Variants in ADAMTSL3 observed in about 807,000 individuals in gnomAD.
ADAMTSL3 encodes ADAMTS like 3, also known as ADAMTS-like protein 3.
ADAMTSL3 carries 128 observed loss-of-function variants against 201.7 expected under a neutral mutation model. The ratio of observed to expected loss-of-function variants is 0.63; its 90% CI spans 0.55 to 0.73. The LOEUF (loss-of-function observed/expected upper bound fraction) is 0.73. ADAMTSL3 is among the 30% of genes least tolerant of loss of function. The pLI, the probability that ADAMTSL3 is intolerant of heterozygous loss-of-function variation, is 0.00. For synonymous variants in ADAMTSL3, 738 were observed against 748.4 expected, an observed-to-expected ratio of 0.99 and a Z score of 0.23; for missense variants, 1,990 against 2,119.6, an observed-to-expected ratio of 0.94 and a Z score of 1.20.
chr15:84,010,878 A>G (rs1287367483), intron 23 of ADAMTSL3, among the ~76,000 whole-genome samples: 4 of 152,142 alleles, frequency 2.6e-5, no homozygotes, highest in African/African-American at 9.7e-5. Flanking sequence ...TCTGCACTCT[A>G]TGTTCCTCCT....
chr15:83,895,832 A>G (rs1214304233), intron 13 of ADAMTSL3, among the ~76,000 whole-genome samples: 1 of 152,146 alleles, frequency 6.6e-6, no homozygotes, highest in African/African-American at 2.4e-5. Flanking sequence ...ATTTTCCAAA[A>G]ACAGGGTAAT....
At chr15:84,015,441 C>T (rs1315051273) in intron 24 of ADAMTSL3, among the ~76,000 whole-genome samples, 1 of 152,184 alleles carries the variant, frequency 6.6e-6, no homozygotes, top group Non-Finnish European at 1.5e-5. Flanking sequence ...GTTGGAATAG[C>T]TGTCATGCAC....
chr15:83,837,456 C>T (rs183723099), intron 6 of ADAMTSL3, among the ~76,000 whole-genome samples: 6 of 151,756 alleles, frequency 4.0e-5, no homozygotes, highest in South Asian at 2.1e-4. Context: ...AGAGAGGAAA[C>T]GTCTGTAATG....
chr15:83,693,929 C>T (rs73452682), intron 2 of ADAMTSL3, among the ~76,000 whole-genome samples: 9,881 of 152,206 alleles, frequency 0.065, 1,045 homozygotes, highest in African/African-American at 0.22. Context: ...ATTCTCCCCC[C>T]GCAACCATTT....
Position 83,714,761 on chromosome 15 carries a change from C to CTCTTTTTCTTTCTTTCTTTCTT in ADAMTSL3, c.189+10258_189+10259insTTCTTTCTTTCTTTCTTTCTTT, listed in dbSNP as rs1555433186. On this transcript the variant is annotated intron_variant, in intron 3 of 29. Transcript: ENST00000286744. ...TTCTCCTTTTCCTTCCTTCCCTTTT[C>CTCTTTTTCTTTCTTTCTTTCTT]TCTTTCTTTCTTTCTTTCTTTCTTT... 2.7e-4 allele frequency among the ~76,000 whole-genome samples: 11 copies of CTCTTTTTCTTTCTTTCTTTCTT among 41,452 alleles called. 2 individuals are homozygous for CTCTTTTTCTTTCTTTCTTTCTT. Among genetic ancestry groups the CTCTTTTTCTTTCTTTCTTTCTT allele is most frequent in the Non-Finnish European group, 5.8e-4 (11 of 19,016 alleles). 27.2% of individuals were successfully genotyped at this position (41,452 alleles called of 152,430 possible). A position where few individuals can be genotyped will look rare whatever the true frequency, so the allele number is the denominator to read the frequency against.
intron 5 of ADAMTSL3, among the ~76,000 whole-genome samples, chr15:83,815,536 A>G (rs1445434298): frequency 6.6e-6 from 1 of 152,250 alleles, no homozygotes; most frequent in Admixed American, 6.5e-5. Context: ...AAGCAGAAGA[A>G]TGTTTGGCAT....
At chr15:83,670,235 G>A (rs1433082818) in intron 2 of ADAMTSL3, among the ~76,000 whole-genome samples, 6 of 143,900 alleles carry the variant, frequency 4.2e-5, no homozygotes, top group African/African-American at 1.6e-4. Flanking sequence ...TCCAGCCTGG[G>A]TGACAGTGAG....
intron 19 of ADAMTSL3, among the ~76,000 whole-genome samples, chr15:83,960,887 G>A (rs1233715771): frequency 6.6e-6 from 1 of 152,096 alleles, no homozygotes; most frequent in Non-Finnish European, 1.5e-5. Context: ...ACCAAAACTA[G>A]GGGGAAAAAT....
chr15:83,825,217 A>G (rs1309493465), intron 6 of ADAMTSL3, among the ~76,000 whole-genome samples: 1 of 152,256 alleles, frequency 6.6e-6, no homozygotes, highest in African/African-American at 2.4e-5. Context: ...CTCTTTGACC[A>G]AATGATAATA....
intron 19 of ADAMTSL3, among the ~76,000 whole-genome samples, chr15:83,965,343 G>A (rs1182813993): frequency 1.2e-5 from 1 of 84,462 alleles, no homozygotes; most frequent in African/African-American, 4.1e-5. Context: ...CCAAGCAAAT[G>A]GAAAGCAAAA....
intron 23 of ADAMTSL3, among the ~76,000 whole-genome samples, chr15:84,005,137 A>T (rs1449917407): frequency 6.6e-6 from 1 of 152,168 alleles, no homozygotes. Flanking sequence ...AGTCCTGGGG[A>T]ATCAACACGG....
chr15:83,923,242 G>A (rs2141988154), intron 16 of ADAMTSL3, among the ~76,000 whole-genome samples: 1 of 152,220 alleles, frequency 6.6e-6, no homozygotes, highest in South Asian at 2.1e-4. Flanking sequence ...TTTCTCTCTA[G>A]ACCTCAGTTT....
At chr15:84,031,202 T>G (rs1370145097) in intron 27 of ADAMTSL3, 133 bp from the exon 28 acceptor site, 1 of 825,234 alleles carries the variant, frequency 1.2e-6, no homozygotes, top group African/African-American at 1.7e-5. Flanking sequence ...CCTCTTTAAC[T>G]CCCCCCTGGG....
At chr15:83,655,633 G>C in intron 1 of ADAMTSL3, 96 bp from the exon 2 acceptor site, 2 of 850,546 alleles carry the variant, frequency 2.4e-6, no homozygotes, top group Non-Finnish European at 3.7e-6. Context: ...TAGTATATGG[G>C]CTTCAGGGTC....
intron 4 of ADAMTSL3, among the ~76,000 whole-genome samples, chr15:83,779,602 G>A (rs1431466384): frequency 6.6e-6 from 1 of 150,678 alleles, no homozygotes; most frequent in Non-Finnish European, 1.5e-5. Flanking sequence ...GGAGGCTGAG[G>A]CAGGAGAATG....
At chr15:83,674,772 T>TACACACATATATACATATATACACAC (rs1037094872) in intron 2 of ADAMTSL3, among the ~76,000 whole-genome samples, 1 of 128,348 alleles carries the variant, frequency 7.8e-6, no homozygotes, top group African/African-American at 2.9e-5. Flanking sequence ...TATACATATA[T>TACACACATATATACATATATACACAC]ATATATATAT....
intron 20 of ADAMTSL3, among the ~76,000 whole-genome samples, chr15:83,972,366 A>G (rs1413124190): frequency 6.6e-6 from 1 of 152,176 alleles, no homozygotes; most frequent in East Asian, 1.9e-4. Flanking sequence ...TGTCTGTAGC[A>G]TATGGCGTAC....
chr15:83,994,586 G>GTTTT (rs3045402), intron 23 of ADAMTSL3, among the ~76,000 whole-genome samples: 46 of 50,234 alleles, frequency 9.2e-4, no homozygotes, highest in African/African-American at 3.1e-3. Flanking sequence ...TTGTTTTTTC[G>GTTTT]TTTTTTTTTT....
chr15:83,870,769 G>T, intron 8 of ADAMTSL3, 33 bp from the exon 9 acceptor site: 2 of 1,505,988 alleles, frequency 1.3e-6, no homozygotes, highest in Non-Finnish European at 1.8e-6. Flanking sequence ...CTTTAAGATT[G>T]TTTCTTATTT....
Sources: gnomAD v4.1 joint callset for allele counts (sites outside exome capture counted in the v4.1 genomes callset) on GRCh38, gnomAD v4.1.1 for gene constraint, MANE v1.5 for transcripts, NCBI Gene and HGNC (gene_info 2026-07-23, HGNC 2026-07-21) for gene names.